CACNG5: variants seen among roughly 807,000 people sequenced by gnomAD.
CACNG5 encodes the protein calcium voltage-gated channel auxiliary subunit gamma 5.
In CACNG5, 18 loss-of-function variants were observed where a neutral mutation model predicts 24.8. That is an observed-to-expected ratio of 0.73 (90% CI 0.50 to 1.08). The LOEUF (loss-of-function observed/expected upper bound fraction) is 1.08, where lower values mean the gene tolerates loss of function less well. CACNG5 is among the 50% of genes least tolerant of loss of function. CACNG5 has a pLI of 0.00. For missense variants in CACNG5, 349 were observed against 367.9 expected (o/e 0.95, Z 0.42); for synonymous variants, 157 against 149.1 (o/e 1.05, Z -0.39).
chr17:66,869,997 C>T lies in CACNG5; in HGVS notation c.-103-7233C>T, dbSNP rs138971494. 9.2e-3 allele frequency among the ~76,000 whole-genome samples: 1,390 copies of T among 151,838 alleles called. 26 individuals are homozygous for T. The highest frequency in any genetic ancestry group is 0.031 in the African/African-American group (1,283 of 41,406). ...ACTTGGGAGGCTGAGGCAGGAGAAT[C>T]GCTTGAACCCGGGAGGCGGAGGTTG... On this transcript the variant is annotated intron_variant, in intron 1 of 5. Coordinates refer to ENST00000533854, the MANE Select transcript of CACNG5 (RefSeq NM_145811.3).
Position 66,885,561 on chromosome 17 carries a change from G to C in CACNG5, c.*321G>C. ...CCCAGGAGACACCGATGTTCCCTTT[G>C]TATATTCTTCCTGCACCCCCCAACT... On this transcript the variant is annotated 3_prime_UTR_variant, in exon 6 of 6. Coordinates refer to ENST00000533854, the MANE Select transcript of CACNG5 (RefSeq NM_145811.3). 3.1e-6 allele frequency: 1 copy of C among 323,336 alleles called. No homozygotes were observed. The highest frequency in any genetic ancestry group is 5.7e-6 in the Non-Finnish European group (1 of 176,762). 20.0% of individuals were successfully genotyped at this position (323,336 alleles called of 1,614,324 possible).
chr17:66,886,699 C>A lies in CACNG5; in HGVS notation c.*1459C>A, dbSNP rs1401214752. ...CCAGCACGTAGTCCAGAAAGCTGCA[C>A]GTCTGGTGTGCGCAGCCTTGGAGAG... On this transcript the variant is annotated 3_prime_UTR_variant, in exon 6 of 6. Coordinates refer to ENST00000533854, the MANE Select transcript of CACNG5 (RefSeq NM_145811.3). Among the ~76,000 whole-genome samples the A allele has an allele frequency of 6.6e-6, 1 of 152,230 alleles. No homozygotes were observed. The highest frequency in any genetic ancestry group is 1.5e-5 in the Non-Finnish European group (1 of 68,042).
chr17:66,884,425 G>A, intron 4 of CACNG5, 91 bp from the exon 5 acceptor site: 1 of 1,374,810 alleles, frequency 7.3e-7, no homozygotes, highest in South Asian at 1.4e-5. Context: ...TGGTGGCTTT[G>A]CTCCTGAATT....
intron 1 of CACNG5, among the ~76,000 whole-genome samples, chr17:66,870,733 C>G (rs1338495529): frequency 6.6e-6 from 1 of 152,150 alleles, no homozygotes; most frequent in Admixed American, 6.5e-5. Context: ...AATCCCAACA[C>G]TTTGAGAGGC....
At chr17:66,857,197 G>A (rs1976793395) in intron 1 of CACNG5, among the ~76,000 whole-genome samples, 1 of 149,322 alleles carries the variant, frequency 6.7e-6, no homozygotes, top group Non-Finnish European at 1.5e-5. Context: ...AGGTGGGACT[G>A]CAAATGCATG....
rs544982874 is a variant in CACNG5 at position 66,849,517 on chromosome 17, G to A, written c.-104+14267G>A. ...AACCTTGGGATTACACTTCCTGGCT[G>A]AGTGGCCTTGGGCTGTGTTCTGGGA... On this transcript the variant is annotated intron_variant, in intron 1 of 5. Transcript: ENST00000533854. 6.7e-3 allele frequency among the ~76,000 whole-genome samples: 1,027 copies of A among 152,326 alleles called. 7 individuals carry two copies. The highest frequency in any genetic ancestry group is 0.012 in the Non-Finnish European group (794 of 68,022).
chr17:66,854,762 G>A (rs117739222), intron 1 of CACNG5, among the ~76,000 whole-genome samples: 3,021 of 151,850 alleles, frequency 0.02, 39 homozygotes, highest in Non-Finnish European at 0.03. Flanking sequence ...CATACATATG[G>A]CAAAATATTA....
At chr17:66,843,865 G>T (rs992883234) in intron 1 of CACNG5, among the ~76,000 whole-genome samples, 1 of 151,994 alleles carries the variant, frequency 6.6e-6, no homozygotes, top group African/African-American at 2.4e-5. Flanking sequence ...CACACTGGGT[G>T]CTCTCAAGCA....
chr17:66,886,050 G>A lies in CACNG5; in HGVS notation c.*810G>A, dbSNP rs1445565909. On this transcript the variant is annotated 3_prime_UTR_variant, in exon 6 of 6. Coordinates refer to ENST00000533854, the MANE Select transcript of CACNG5 (RefSeq NM_145811.3). ...AACCCAAATAACTGATTCTGACAAT[G>A]AGAATTTTAGAATCGGGCTGGTCTG... 6.6e-6 allele frequency among the ~76,000 whole-genome samples: 1 copy of A among 152,244 alleles called. No homozygotes were observed.
At chr17:66,880,753 T>G in intron 4 of CACNG5, 56 bp downstream of exon 4, 1 of 1,598,236 alleles carries the variant, frequency 6.3e-7, no homozygotes, top group Non-Finnish European at 8.5e-7. Context: ...TTTTGTTTTT[T>G]GTTTTTGAGA....
chr17:66,847,515 TACTATC>T (rs1395776967), intron 1 of CACNG5, among the ~76,000 whole-genome samples: 1 of 151,788 alleles, frequency 6.6e-6, no homozygotes, highest in East Asian at 1.9e-4. Context: ...TCGTGAGACT[TACTATC>T]ACGAGAACGG....
Position 66,877,538 on chromosome 17 carries a change from C to T in CACNG5, c.196+10C>T, listed in dbSNP as rs774799858. ...GTCTGCTTCCTTGCAGGTAAGGGTG[C>T]CCAGGGTTGGGGACAGCCCTGCCCC... On this transcript the variant is annotated intron_variant, in intron 2 of 5. Coordinates refer to ENST00000533854, the MANE Select transcript of CACNG5 (RefSeq NM_145811.3). The T allele has an allele frequency of 2.5e-6, 4 of 1,611,518 alleles. No homozygotes were observed. The Admixed American group carries it at 6.7e-5, about 27-fold the overall frequency.
chr17:66,858,904 C>T (rs1976818359), intron 1 of CACNG5, among the ~76,000 whole-genome samples: 1 of 152,182 alleles, frequency 6.6e-6, no homozygotes, highest in East Asian at 1.9e-4. Context: ...ATTCATCACT[C>T]AAGAGTCACC....
intron 1 of CACNG5, among the ~76,000 whole-genome samples, chr17:66,838,900 C>T (rs1368218829): frequency 6.7e-6 from 1 of 149,910 alleles, no homozygotes; most frequent in African/African-American, 2.5e-5. Context: ...GTAGGATGCT[C>T]TGTAACAGTG....
At chr17:66,846,989 G>T (rs546485757) in intron 1 of CACNG5, among the ~76,000 whole-genome samples, 1 of 152,352 alleles carries the variant, frequency 6.6e-6, no homozygotes, top group East Asian at 1.9e-4. Context: ...TACACACGTG[G>T]AGGCACTGAG....
At chr17:66,851,959 G>A (rs1162797675) in intron 1 of CACNG5, among the ~76,000 whole-genome samples, 7 of 152,240 alleles carry the variant, frequency 4.6e-5, no homozygotes, top group South Asian at 2.1e-4. Flanking sequence ...ATTGTTTCCA[G>A]GTGTGCCATG....
intron 2 of CACNG5, 97 bp from the exon 3 acceptor site, chr17:66,878,875 A>G: frequency 1.9e-6 from 2 of 1,030,892 alleles, no homozygotes; most frequent in Non-Finnish European, 3.0e-6. Flanking sequence ...ACAGCAGGTC[A>G]AAGATCCTAA....
rs570031874 is a variant in CACNG5 at position 66,886,141 on chromosome 17, C to T, written c.*901C>T. 1.3e-5 allele frequency among the ~76,000 whole-genome samples: 2 copies of T among 152,268 alleles called. No homozygotes were observed. Among genetic ancestry groups the T allele is most frequent in the Admixed American group, 6.5e-5 (1 of 15,298 alleles). ...TGTCCCCTTACAAGGGTAATATTTC[C>T]GGACCAAGGCCCTAAGATGGAATCT... On this transcript the variant is annotated 3_prime_UTR_variant, in exon 6 of 6. Transcript: ENST00000533854.
chr17:66,841,710 G>T (rs1174757204), intron 1 of CACNG5, among the ~76,000 whole-genome samples: 1 of 152,200 alleles, frequency 6.6e-6, no homozygotes, highest in African/African-American at 2.4e-5. Context: ...CAGTGCGTGA[G>T]CTTAGACAAG....
Sources: gnomAD v4.1 joint callset for allele counts (sites outside exome capture counted in the v4.1 genomes callset) on GRCh38, gnomAD v4.1.1 for gene constraint, MANE v1.5 for transcripts, NCBI Gene and HGNC (gene_info 2026-07-23, HGNC 2026-07-21) for gene names.